The following STXBP4 variants were observed in gnomAD, a reference collection of about 807,000 sequenced individuals.
STXBP4 encodes the protein syntaxin binding protein 4, also known as syntaxin-binding protein 4.
Under a neutral mutation model 76.1 loss-of-function variants are expected in STXBP4, and 55 were observed. The ratio of observed to expected loss-of-function variants is 0.72; its 90% CI spans 0.58 to 0.91. The LOEUF (loss-of-function observed/expected upper bound fraction) is 0.91. Ranked by LOEUF, STXBP4 falls within the 40% of genes least tolerant of loss-of-function variation. The probability of loss-of-function intolerance (pLI) is 0.00; values close to 1 mark genes in which losing one functional copy is unlikely to be tolerated. For missense variants in STXBP4, 618 were observed against 636.9 expected (o/e 0.97, Z 0.32); for synonymous variants, 201 against 220.2 (o/e 0.91, Z 0.77).
At chr17:55,010,737 G>C (rs1030251694) in intron 8 of STXBP4, among the ~76,000 whole-genome samples, 2 of 152,088 alleles carry the variant, frequency 1.3e-5, no homozygotes, top group African/African-American at 4.8e-5. Context: ...GAAAACTGTA[G>C]AGAGCAATGG....
At chr17:55,065,722 C>T (rs2079043747) in intron 12 of STXBP4, among the ~76,000 whole-genome samples, 1 of 151,684 alleles carries the variant, frequency 6.6e-6, no homozygotes. Flanking sequence ...ATATTGTGAA[C>T]AAGTTTCATA....
intron 8 of STXBP4, among the ~76,000 whole-genome samples, chr17:55,012,923 T>C (rs1207792477): frequency 6.6e-6 from 1 of 152,186 alleles, no homozygotes; most frequent in African/African-American, 2.4e-5. Context: ...CTGGAAGAAA[T>C]GTGACTGGGT....
chr17:55,139,248 C>T (rs1195530026), intron 16 of STXBP4, among the ~76,000 whole-genome samples: 1 of 152,056 alleles, frequency 6.6e-6, no homozygotes, highest in Non-Finnish European at 1.5e-5. Flanking sequence ...ATGTTAGTGT[C>T]AATTTTCACA....
rs2080350916 is a variant in STXBP4, at chr17:55,163,061, G to A, written c.*3150G>A. On this transcript the variant is annotated 3_prime_UTR_variant, in exon 18 of 18. Coordinates refer to ENST00000376352, the MANE Select transcript of STXBP4 (RefSeq NM_178509.6). ...TACATTCATAAATTTCTTGATCAAA[G>A]CTAGGTCAAAGTTACATTCATTTTA... 6.6e-6 allele frequency: 1 copy of A among 152,088 alleles called. No homozygotes were observed. Among genetic ancestry groups the A allele is most frequent in the South Asian group, 2.1e-4 (1 of 4,832 alleles). The allele number at this position is 152,088 out of a possible 1,614,324, so 9.4% of individuals were successfully genotyped here. A position where few individuals can be genotyped will look rare whatever the true frequency, so the allele number is the denominator to read the frequency against.
chr17:55,120,923 G>A (rs1381852397), intron 16 of STXBP4, among the ~76,000 whole-genome samples: 1 of 152,110 alleles, frequency 6.6e-6, no homozygotes, highest in Non-Finnish European at 1.5e-5. Context: ...CTTGCACACA[G>A]AAGTGGTGCC....
chr17:55,115,344 T>G (rs1171406095), intron 16 of STXBP4, among the ~76,000 whole-genome samples: 1 of 151,706 alleles, frequency 6.6e-6, no homozygotes, highest in Non-Finnish European at 1.5e-5. Flanking sequence ...ATAGGAAAAA[T>G]ATATCAGTAT....
intron 10 of STXBP4, among the ~76,000 whole-genome samples, chr17:55,039,676 C>A (rs903923421): frequency 2.0e-5 from 3 of 151,316 alleles, no homozygotes; most frequent in Admixed American, 2.0e-4. Flanking sequence ...ACAACTACAA[C>A]AAGTATGTCA....
the STXBP4 span, among the ~76,000 whole-genome samples, chr17:55,185,245 T>TCTTCTCCTTCTC: frequency 2.1e-4 from 12 of 57,970 alleles, no homozygotes; most frequent in Admixed American, 5.1e-4. Flanking sequence ...TTCTTCTTCT[T>TCTTCTCCTTCTC]CTTCTCCTTC....
At chr17:55,064,077 G>T (rs1359528871) in intron 12 of STXBP4, among the ~76,000 whole-genome samples, 1 of 152,142 alleles carries the variant, frequency 6.6e-6, no homozygotes, top group Admixed American at 6.5e-5. Flanking sequence ...TGTGTTAAAT[G>T]ATTTATTCAC....
intron 17 of STXBP4, among the ~76,000 whole-genome samples, chr17:55,146,312 A>G (rs2145163150): frequency 1.3e-5 from 2 of 152,310 alleles, no homozygotes; most frequent in Middle Eastern, 6.8e-3. Flanking sequence ...TCAATTTTAG[A>G]GCATCCTGAA....
Position 54,999,715 on chromosome 17 carries a change from T to C in STXBP4, c.371T>C (p.Ile124Thr), listed in dbSNP as rs151072341. ...QPENLSCTSL[I>T]EASGEYGPQA... Reference sequence around the variant, plus strand: ...GAAAATCTGTCATGTACATCACTTATAGAAGCTTCAGGAGAATATGGACCT... The same window carrying C: ...GAAAATCTGTCATGTACATCACTTACAGAAGCTTCAGGAGAATATGGACCT... Residue 124 changes from isoleucine to threonine, a missense_variant, in exon 6 of 18, where the codon ATA becomes ACA. Coordinates refer to ENST00000376352, the MANE Select transcript of STXBP4 (RefSeq NM_178509.6). 4.3e-6 allele frequency: 7 copies of C among 1,613,648 alleles called. No individual in the cohort carries two copies. Among genetic ancestry groups the C allele is most frequent in the Non-Finnish European group, 5.1e-6 (6 of 1,179,838 alleles).
rs114737486 is a variant in STXBP4, at chr17:55,001,449, G to T, written c.574+566G>T. Among the ~76,000 whole-genome samples the T allele has an allele frequency of 3.5e-3, 535 of 152,110 alleles. 13 individuals are homozygous for T. Among genetic ancestry groups the T allele is most frequent in the East Asian group, 0.025 (131 of 5,168 alleles). ...CCAAATGTAAAATAAAGATTTTTAT[G>T]TGGCTATAAGGTGCTTACAGGATCA... On this transcript the variant is annotated intron_variant, in intron 7 of 17. Transcript: ENST00000376352.
the STXBP4 span, among the ~76,000 whole-genome samples, chr17:55,181,879 C>T: frequency 2.6e-5 from 4 of 152,020 alleles, no homozygotes; most frequent in Non-Finnish European, 4.4e-5. Context: ...TAGGAGGAGT[C>T]CAGAGCCCAC....
At chr17:55,041,973 T>G (rs987614027) in intron 10 of STXBP4, among the ~76,000 whole-genome samples, 3 of 152,154 alleles carry the variant, frequency 2.0e-5, no homozygotes, top group Non-Finnish European at 4.4e-5. Flanking sequence ...GTGTTTGTGT[T>G]GAGTACTTCT....
chr17:55,055,461 C>T (rs760543837), intron 12 of STXBP4, among the ~76,000 whole-genome samples: 12 of 152,172 alleles, frequency 7.9e-5, no homozygotes, highest in Non-Finnish European at 1.3e-4. Flanking sequence ...TCAGGTCCCA[C>T]CTGTGTTGCT....
At chr17:55,042,612 T>G (rs1421206032) in intron 10 of STXBP4, among the ~76,000 whole-genome samples, 1 of 152,124 alleles carries the variant, frequency 6.6e-6, no homozygotes, top group East Asian at 1.9e-4. Flanking sequence ...GTTTTTACAT[T>G]GTAATTGACG....
intron 16 of STXBP4, among the ~76,000 whole-genome samples, chr17:55,111,908 G>C (rs1260284833): frequency 4.0e-5 from 6 of 151,780 alleles, no homozygotes. Flanking sequence ...TTGTTTGTTT[G>C]TTTGTTTGTT....
At chr17:54,981,647 G>T (rs1430392886) in intron 1 of STXBP4, among the ~76,000 whole-genome samples, 2 of 152,076 alleles carry the variant, frequency 1.3e-5, no homozygotes, top group Non-Finnish European at 2.9e-5. Flanking sequence ...TAACTTTGGA[G>T]TGGGCAAGGA....
intron 16 of STXBP4, among the ~76,000 whole-genome samples, chr17:55,099,848 ACCACG>A (rs1348587807): frequency 6.6e-6 from 1 of 152,204 alleles, no homozygotes; most frequent in African/African-American, 2.4e-5. Flanking sequence ...CTAAGTAGGT[ACCACG>A]TACCATCTGC....
Sources: gnomAD v4.1 joint callset for allele counts (sites outside exome capture counted in the v4.1 genomes callset) on GRCh38, gnomAD v4.1.1 for gene constraint, MANE v1.5 for transcripts, NCBI Gene and HGNC (gene_info 2026-07-23, HGNC 2026-07-21) for gene names.